RELL1: variants seen among roughly 807,000 people sequenced by gnomAD.
RELL1 encodes the protein RELT like 1, also known as RELT-like protein 1.
RELL1 carries 10 observed loss-of-function variants against 23.0 expected under a neutral mutation model. The ratio of observed to expected loss-of-function variants is 0.43; its 90% confidence interval spans 0.27 to 0.74. RELL1 has a LOEUF of 0.74. Ranked by LOEUF, RELL1 falls within the 30% of genes least tolerant of loss-of-function variation. The probability of loss-of-function intolerance (pLI) is 0.19; values close to 1 mark genes in which losing one functional copy is unlikely to be tolerated. For missense variants in RELL1, 315 were observed against 364.4 expected (o/e 0.86, Z 1.10); for synonymous variants, 146 against 146.8 (o/e 0.99, Z 0.04).
chr4:37,666,720 C>T (rs1456037484), intron 1 of RELL1, among the ~76,000 whole-genome samples: 1 of 152,188 alleles, frequency 6.6e-6, no homozygotes, highest in Non-Finnish European at 1.5e-5. Context: ...AGCGACCACA[C>T]AGCACTGCTC....
At chr4:37,589,459 A>G (rs1718484052), downstream of RELL1, among the ~76,000 whole-genome samples, 2 of 152,142 alleles carry the variant, frequency 1.3e-5, no homozygotes, top group South Asian at 4.1e-4. Context: ...CATATTTATC[A>G]TTTTAGTGAC....
intron 6 of RELL1, among the ~76,000 whole-genome samples, chr4:37,628,173 A>C (rs989055495): frequency 6.6e-6 from 1 of 152,200 alleles, no homozygotes; most frequent in Non-Finnish European, 1.5e-5. Flanking sequence ...GCCACCCAGC[A>C]GGTCTCAATC....
chr4:37,598,078 A>ATATATATATATATAT (rs1553870664), intron 6 of RELL1, among the ~76,000 whole-genome samples: 2 of 126,752 alleles, frequency 1.6e-5, no homozygotes, highest in Non-Finnish European at 3.2e-5. Context: ...TATATATCAT[A>ATATATATATATATAT]ATATATATAT....
downstream of RELL1, among the ~76,000 whole-genome samples, chr4:37,605,750 G>T (rs1450170675): frequency 1.0e-5 from 1 of 99,792 alleles, no homozygotes; most frequent in South Asian, 3.2e-4. Flanking sequence ...AAGAAAGAAA[G>T]AAAAAGAATA....
chr4:37,661,562 G>C (rs1289638053), intron 1 of RELL1, among the ~76,000 whole-genome samples: 2 of 152,180 alleles, frequency 1.3e-5, no homozygotes, highest in African/African-American at 4.8e-5. Flanking sequence ...TTACAGGCGT[G>C]AGCCACCGCA....
At chr4:37,671,422 A>C (rs1450179592) in intron 1 of RELL1, among the ~76,000 whole-genome samples, 1 of 152,208 alleles carries the variant, frequency 6.6e-6, no homozygotes, top group Non-Finnish European at 1.5e-5. Context: ...AGGGTGTGGT[A>C]AAGAAGCCAG....
At chr4:37,594,700 A>T (rs1718769081) in intron 6 of RELL1, among the ~76,000 whole-genome samples, 1 of 152,186 alleles carries the variant, frequency 6.6e-6, no homozygotes, top group Non-Finnish European at 1.5e-5. Context: ...CTTACATAGC[A>T]CATGCCCATC....
chr4:37,684,757 A>G (rs1349273336), intron 1 of RELL1, among the ~76,000 whole-genome samples: 1 of 152,102 alleles, frequency 6.6e-6, no homozygotes, highest in Non-Finnish European at 1.5e-5. Context: ...GTTCGAGACC[A>G]GCCTGGCCAA....
intron 6 of RELL1, among the ~76,000 whole-genome samples, chr4:37,593,930 G>A (rs1718736919): frequency 1.3e-5 from 2 of 152,296 alleles, no homozygotes; most frequent in African/African-American, 4.8e-5. Context: ...AGAAGGGGTA[G>A]GGTAAGGTAT....
chr4:37,643,294 G>A (rs1720589286), intron 3 of RELL1, among the ~76,000 whole-genome samples: 1 of 152,192 alleles, frequency 6.6e-6, no homozygotes, highest in South Asian at 2.1e-4. Context: ...TGCCCAGCAG[G>A]TCAGCTGATA....
chr4:37,663,950 T>C lies in RELL1; in HGVS notation c.89-14450A>G, dbSNP rs148487893. Among the ~76,000 whole-genome samples the C allele has an allele frequency of 3.2e-4, 49 of 152,284 alleles. 1 individual carries two copies. The East Asian group carries it at 8.1e-3, about 25-fold the overall frequency. ...CGATTAACACTGGAACTTGCACATA[T>C]CTTCTTCTGGTGTAAAAATCATCTT... On this transcript the variant is annotated intron_variant, in intron 1 of 6. Coordinates refer to ENST00000454158, the MANE Select transcript of RELL1 (RefSeq NM_001085400.2).
intron 6 of RELL1, chr4:37,622,798 GCTTT>G: frequency 9.6e-6 from 4 of 418,278 alleles, no homozygotes; most frequent in Middle Eastern, 8.1e-4. Context: ...CTCAAGTAAT[GCTTT>G]TTTTTTTTTT....
At chr4:37,607,647 T>C (rs1228789529), downstream of RELL1, among the ~76,000 whole-genome samples, 1 of 149,042 alleles carries the variant, frequency 6.7e-6, no homozygotes, top group Non-Finnish European at 1.5e-5. Flanking sequence ...CGGCACAATC[T>C]CAGCTCACTG....
downstream of RELL1, among the ~76,000 whole-genome samples, chr4:37,608,797 G>C (rs1719297546): frequency 6.6e-6 from 1 of 151,998 alleles, no homozygotes; most frequent in Admixed American, 6.5e-5. Context: ...TGCCCAGCTA[G>C]TTTTTGTATT....
At chr4:37,683,819 C>A (rs968719486) in intron 1 of RELL1, among the ~76,000 whole-genome samples, 11 of 151,938 alleles carry the variant, frequency 7.2e-5, no homozygotes, top group African/African-American at 2.7e-4. Flanking sequence ...CGGTGGCTCA[C>A]GCCTGTAATC....
intron 1 of RELL1, among the ~76,000 whole-genome samples, chr4:37,666,043 G>A (rs913362315): frequency 6.6e-6 from 1 of 152,144 alleles, no homozygotes; most frequent in African/African-American, 2.4e-5. Context: ...TGGAGTGTTG[G>A]GGGTTTATGA....
At chr4:37,624,194 G>A (rs1352200237) in intron 6 of RELL1, among the ~76,000 whole-genome samples, 1 of 152,128 alleles carries the variant, frequency 6.6e-6, no homozygotes, top group Non-Finnish European at 1.5e-5. Context: ...TCAGGAGGGA[G>A]TTTGAGCCAT....
At chr4:37,651,836 C>A (rs1016983339) in intron 1 of RELL1, among the ~76,000 whole-genome samples, 6 of 152,188 alleles carry the variant, frequency 3.9e-5, no homozygotes, top group African/African-American at 1.4e-4. Context: ...CTGCTGAAAG[C>A]CATTTTCATA....
At chr4:37,684,334 C>T (rs1722327812) in intron 1 of RELL1, among the ~76,000 whole-genome samples, 2 of 149,712 alleles carry the variant, frequency 1.3e-5, no homozygotes, top group South Asian at 2.1e-4. Context: ...TTTCTTCTTC[C>T]GCATTAATTT....
Sources: allele counts gnomAD v4.1 joint callset (sites outside exome capture counted in the v4.1 genomes callset), GRCh38; gene constraint gnomAD v4.1.1; transcripts MANE v1.5; gene names NCBI Gene and HGNC (gene_info 2026-07-23, HGNC 2026-07-21).